The following SCN10A variants were observed in gnomAD, a reference collection of about 807,000 sequenced individuals.
SCN10A encodes sodium channel protein type 10 subunit alpha.
In SCN10A, 162 loss-of-function variants were observed where a neutral mutation model predicts 170.7. That is an observed-to-expected ratio of 0.95 (90% CI 0.84 to 1.08). The LOEUF (loss-of-function observed/expected upper bound fraction) is 1.08, where lower values mean the gene tolerates loss of function less well. Ranked by LOEUF, SCN10A falls within the 50% of genes least tolerant of loss-of-function variation. The pLI, the probability that SCN10A is intolerant of heterozygous loss-of-function variation, is 0.00. For missense variants in SCN10A, 2,527 were observed against 2,436.9 expected (o/e 1.04, Z -0.78); for synonymous variants, 985 against 904.6 (o/e 1.09, Z -1.59).
At position 38,739,515 on chromosome 3, in the gene SCN10A, C is replaced by T; in HGVS notation, c.2280G>A (p.Leu760=). The T allele has an allele frequency of 6.2e-7, 1 of 1,612,318 alleles. No homozygotes were observed. Among genetic ancestry groups the T allele is most frequent in the South Asian group, 1.1e-5 (1 of 90,712 alleles). The change falls in exon 15 of 28, where the codon TTG becomes TTA. Residue 760 remains leucine, a splice_region_variant and synonymous_variant. Transcript: ENST00000449082. The part of the protein sequence containing the change: ...GSLSVLRSFR[L]LRVFKLAKSW... ...CAAGCCATCAAGAGAAAAACATTAC[C>T]AAGCGGAAGCTCCGCAGCACAGACA...
chr3:38,769,598 G>GA (rs2063975620), intron 5 of SCN10A, among the ~76,000 whole-genome samples: 1 of 152,108 alleles, frequency 6.6e-6, no homozygotes, highest in Non-Finnish European at 1.5e-5. Flanking sequence ...CATTGTTGGG[G>GA]AGCTAGTTTG....
intron 5 of SCN10A, among the ~76,000 whole-genome samples, chr3:38,770,557 C>A (rs1344464836): frequency 6.6e-6 from 1 of 152,032 alleles, no homozygotes; most frequent in Admixed American, 6.6e-5. Context: ...AGAGGCCTCA[C>A]CTAGCTCTCA....
At chr3:38,706,987 C>T (rs1211308359) in intron 26 of SCN10A, among the ~76,000 whole-genome samples, 1 of 152,190 alleles carries the variant, frequency 6.6e-6, no homozygotes, top group African/African-American at 2.4e-5. Flanking sequence ...CTTAGCTTAA[C>T]CTGCCTCCAA....
intron 1 of SCN10A, among the ~76,000 whole-genome samples, chr3:38,806,590 T>C (rs1280042765): frequency 1.3e-5 from 2 of 152,182 alleles, no homozygotes; most frequent in Non-Finnish European, 2.9e-5. Flanking sequence ...CTGTAATTTG[T>C]AAACTGGAGA....
chr3:38,719,954 T>C (rs2063373288), intron 20 of SCN10A, among the ~76,000 whole-genome samples: 1 of 152,228 alleles, frequency 6.6e-6, no homozygotes, highest in Non-Finnish European at 1.5e-5. Flanking sequence ...TGGAGGAAAC[T>C]GTGTCCACCT....
intron 22 of SCN10A, 22 bp downstream of exon 22, chr3:38,713,936 G>T (rs1257826406): frequency 6.2e-7 from 1 of 1,612,198 alleles, no homozygotes; most frequent in East Asian, 2.2e-5. Context: ...CCAGATGAGA[G>T]AAGTTTTGAG....
At chr3:38,797,333 G>A (rs146094010) in intron 1 of SCN10A, among the ~76,000 whole-genome samples, 23 of 152,262 alleles carry the variant, frequency 1.5e-4, no homozygotes, top group African/African-American at 4.3e-4. Flanking sequence ...ATGCATTGAA[G>A]TCCTGGGAGG....
At chr3:38,801,685 G>T (rs1359560215) in intron 1 of SCN10A, among the ~76,000 whole-genome samples, 1 of 151,742 alleles carries the variant, frequency 6.6e-6, no homozygotes, top group Non-Finnish European at 1.5e-5. Flanking sequence ...ACCCAATAGA[G>T]GTCTTTCCCT....
intron 1 of SCN10A, among the ~76,000 whole-genome samples, chr3:38,804,389 C>T (rs991171395): frequency 2.0e-5 from 3 of 152,122 alleles, no homozygotes; most frequent in African/African-American, 4.8e-5. Context: ...TTCTTCATAA[C>T]ACTTTTACGA....
chr3:38,789,631 G>A (rs999461705), intron 3 of SCN10A, among the ~76,000 whole-genome samples: 8 of 152,054 alleles, frequency 5.3e-5, no homozygotes, highest in African/African-American at 1.9e-4. Flanking sequence ...GGGTAGGAAC[G>A]GTGGAGGCAG....
chr3:38,736,522 C>A (rs535671384), intron 15 of SCN10A, among the ~76,000 whole-genome samples: 1 of 151,914 alleles, frequency 6.6e-6, no homozygotes, highest in South Asian at 2.1e-4. Flanking sequence ...GACCAGCTGG[C>A]GGTGATTTTT....
At chr3:38,785,566 G>A (rs1437650142) in intron 4 of SCN10A, among the ~76,000 whole-genome samples, 3 of 152,088 alleles carry the variant, frequency 2.0e-5, no homozygotes, top group Admixed American at 2.0e-4. Context: ...CAGGACATAG[G>A]CATGGGCAAA....
At chr3:38,773,753 A>G (rs1395648130) in intron 4 of SCN10A, among the ~76,000 whole-genome samples, 2 of 152,242 alleles carry the variant, frequency 1.3e-5, no homozygotes, top group African/African-American at 2.4e-5. Context: ...TACAATGGAT[A>G]TATTATCTGA....
intron 26 of SCN10A, among the ~76,000 whole-genome samples, chr3:38,705,883 C>T (rs936747027): frequency 3.9e-5 from 6 of 152,278 alleles, no homozygotes; most frequent in Admixed American, 6.5e-5. Context: ...CCTCTCATTA[C>T]CCATGACTTG....
At chr3:38,741,272 A>G (rs903676867) in intron 14 of SCN10A, among the ~76,000 whole-genome samples, 2 of 145,190 alleles carry the variant, frequency 1.4e-5, no homozygotes, top group African/African-American at 5.4e-5. Flanking sequence ...TCTGCCTATC[A>G]TGTGTGCGTG....
chr3:38,707,482 C>G, intron 25 of SCN10A, 99 bp from the exon 26 acceptor site: 1 of 1,226,854 alleles, frequency 8.2e-7, no homozygotes, highest in South Asian at 1.3e-5. Context: ...AACCTTCTCC[C>G]CTCCTCTGCA....
intron 5 of SCN10A, among the ~76,000 whole-genome samples, chr3:38,764,756 G>A (rs1269513641): frequency 6.6e-6 from 1 of 152,120 alleles, no homozygotes; most frequent in African/African-American, 2.4e-5. Flanking sequence ...GGACCAAATG[G>A]TAGTTCTACT....
Position 38,726,825 on chromosome 3 carries a change from G to A in SCN10A, c.2868C>T (p.Ser956=). 3 of 1,613,434 alleles carry A rather than the reference G, an allele frequency of 1.9e-6. No individual in the cohort carries two copies. The highest frequency in any genetic ancestry group is 2.5e-6 in the Non-Finnish European group (3 of 1,179,402). Residue 956 remains serine, a synonymous_variant, in exon 17 of 28, where the codon TCC becomes TCT. Transcript: ENST00000449082. ...ELVVKLPLSS[S]KAENHIAANT... Reference sequence around the variant, plus strand: ...TGGCAGCAATGTGGTTCTCAGCCTTGGAGCTGGAGAGTGGGAGTTTCACCA... The same window carrying A: ...TGGCAGCAATGTGGTTCTCAGCCTTAGAGCTGGAGAGTGGGAGTTTCACCA...
rs890713429 is a variant in SCN10A at position 38,697,017 on chromosome 3, G to A, written c.*332C>T. On this transcript the variant is annotated 3_prime_UTR_variant, in exon 28 of 28. Transcript: ENST00000449082. ...CTTGTTCTATATCTTTGGAAGTTCTGGTCCTGAGAAGTTTGTCTCAGTAAA... is the reference window on the plus strand; with the variant it reads ...CTTGTTCTATATCTTTGGAAGTTCTAGTCCTGAGAAGTTTGTCTCAGTAAA... 3.2e-6 allele frequency: 1 copy of A among 317,018 alleles called. No individual in the cohort carries two copies. The highest frequency in any genetic ancestry group is 2.1e-5 in the African/African-American group (1 of 47,532). The allele number at this position is 317,018 out of a possible 1,614,324, so 19.6% of individuals were successfully genotyped here. A position where few individuals can be genotyped will look rare whatever the true frequency, so the allele number is the denominator to read the frequency against.
Sources: gnomAD v4.1 joint callset for allele counts (sites outside exome capture counted in the v4.1 genomes callset) on GRCh38, gnomAD v4.1.1 for gene constraint, MANE v1.5 for transcripts, NCBI Gene and HGNC (gene_info 2026-07-23, HGNC 2026-07-21) for gene names.